JARID2: variants seen among roughly 807,000 people sequenced by gnomAD.
The protein encoded by JARID2 is jumonji and AT-rich interaction domain containing 2.
In JARID2, 21 loss-of-function variants were observed where a neutral mutation model predicts 125.6. That is an observed-to-expected ratio of 0.17 (90% CI 0.12 to 0.24). The LOEUF (loss-of-function observed/expected upper bound fraction) is 0.24. JARID2 is among the 10% of genes least tolerant of loss of function. The pLI, the probability that JARID2 is intolerant of heterozygous loss-of-function variation, is 1.00. For missense variants in JARID2, 1,303 were observed against 1,639.6 expected (o/e 0.79, Z 3.55); for synonymous variants, 736 against 661.6 (o/e 1.11, Z -1.73).
At chr6:15,487,609 A>T in intron 6 of JARID2, 67 bp downstream of exon 6, 1 of 1,347,470 alleles carries the variant, frequency 7.4e-7, no homozygotes, top group Non-Finnish European at 1.0e-6. Flanking sequence ...TCACCAAGCT[A>T]AAAATTCATC....
At chr6:15,394,103 TA>T (rs1412297730) in intron 2 of JARID2, among the ~76,000 whole-genome samples, 1 of 152,156 alleles carries the variant, frequency 6.6e-6, no homozygotes, top group Non-Finnish European at 1.5e-5. Flanking sequence ...TAATTTATTG[TA>T]AAGTATATGA....
chr6:15,365,417 T>C (rs1404893304), intron 1 of JARID2, among the ~76,000 whole-genome samples: 1 of 152,214 alleles, frequency 6.6e-6, no homozygotes, highest in Non-Finnish European at 1.5e-5. Context: ...CCTTTAACCA[T>C]GAGCGTGCGG....
chr6:15,452,655 G>A (rs1767971150), intron 4 of JARID2, among the ~76,000 whole-genome samples: 1 of 152,112 alleles, frequency 6.6e-6, no homozygotes, highest in Non-Finnish European at 1.5e-5. Context: ...AAACAGTACT[G>A]GTACTTTCAG....
At chr6:15,515,346 C>T (rs986225421) in intron 16 of JARID2, among the ~76,000 whole-genome samples, 1 of 152,148 alleles carries the variant, frequency 6.6e-6, no homozygotes, top group Non-Finnish European at 1.5e-5. Flanking sequence ...TATTCATTTC[C>T]ATGCACTGAG....
Position 15,497,506 on chromosome 6 carries a change from C to T in JARID2, c.1945+336C>T, listed in dbSNP as rs572894508. 8.1e-4 allele frequency among the ~76,000 whole-genome samples: 123 copies of T among 152,104 alleles called. 1 individual carries two copies. Among genetic ancestry groups the T allele is most frequent in the Admixed American group, 1.2e-3 (19 of 15,282 alleles). The stretch of plus-strand genomic sequence containing the variant: ...CTACTAAAAATACAAAAAAATTAGC[C>T]GGGCGTGGTGGCGGGGGCCTGTAGT... On this transcript the variant is annotated intron_variant, in intron 7 of 17. Transcript: ENST00000341776.
At chr6:15,285,865 A>G (rs1160916956) in intron 1 of JARID2, among the ~76,000 whole-genome samples, 1 of 147,458 alleles carries the variant, frequency 6.8e-6, no homozygotes, top group Admixed American at 7.1e-5. Flanking sequence ...TGCTGGCATA[A>G]AACATGCATT....
At chr6:15,324,827 G>A (rs913311240) in intron 1 of JARID2, among the ~76,000 whole-genome samples, 18 of 151,176 alleles carry the variant, frequency 1.2e-4, no homozygotes, top group African/African-American at 3.9e-4. Flanking sequence ...AGCAAAGTAC[G>A]GGTCAGAGGT....
rs567534630 is a variant in JARID2 at position 15,454,627 on chromosome 6, G to A, written c.493+2452G>A. Among the ~76,000 whole-genome samples, 8 of 150,700 alleles carry A rather than the reference G, an allele frequency of 5.3e-5. No homozygotes were observed. In the South Asian group the frequency reaches 1.7e-3, roughly 32 times the overall value. ...CCAATAGCTAGACCTACAGGCGCAG[G>A]CAACCACACCCAGCAATTTTTTTTT... is the stretch of plus-strand genomic sequence containing the variant. On this transcript the variant is annotated intron_variant, in intron 4 of 17. Coordinates refer to ENST00000341776, the MANE Select transcript of JARID2 (RefSeq NM_004973.4).
intron 3 of JARID2, among the ~76,000 whole-genome samples, chr6:15,428,489 C>T (rs1406629118): frequency 1.3e-5 from 2 of 152,070 alleles, no homozygotes; most frequent in Non-Finnish European, 2.9e-5. Context: ...TCTCATTGTT[C>T]AATTCCCACT....
chr6:15,501,830 C>T (rs930931357), intron 8 of JARID2, among the ~76,000 whole-genome samples: 4 of 152,144 alleles, frequency 2.6e-5, no homozygotes, highest in African/African-American at 7.2e-5. Context: ...GTGCACACAT[C>T]TCCATATGCC....
intron 1 of JARID2, among the ~76,000 whole-genome samples, chr6:15,326,546 G>A (rs909525680): frequency 9.2e-5 from 14 of 152,280 alleles, no homozygotes; most frequent in Non-Finnish European, 1.8e-4. Flanking sequence ...CTGTAACCCA[G>A]GCTGGAGTGC....
At chr6:15,392,593 C>T (rs1428729230) in intron 2 of JARID2, among the ~76,000 whole-genome samples, 1 of 151,416 alleles carries the variant, frequency 6.6e-6, no homozygotes, top group Non-Finnish European at 1.5e-5. Flanking sequence ...ATGTTGGAAA[C>T]GTTCTGTGTC....
chr6:15,281,924 CTG>C (rs3138771), intron 1 of JARID2, among the ~76,000 whole-genome samples: 18,904 of 145,964 alleles, frequency 0.13, 1,101 homozygotes, highest in East Asian at 0.2. Context: ...GGTATGTGCT[CTG>C]TGTGTGTGTG....
rs552805782 is a variant in JARID2, at chr6:15,386,200, A to C, written c.181+11948A>C. Among the ~76,000 whole-genome samples, 6 of 152,226 alleles carry C rather than the reference A, an allele frequency of 3.9e-5. No individual in the cohort carries two copies. In the South Asian group the frequency reaches 1.0e-3, roughly 26 times the overall value. ...AGTGGTCAAATCAGGGTTTGAGCCCAGGTCTTCTGACTCCAGATAGCTATC... is the reference window on the plus strand; with the variant it reads ...AGTGGTCAAATCAGGGTTTGAGCCCCGGTCTTCTGACTCCAGATAGCTATC... On this transcript the variant is annotated intron_variant, in intron 2 of 17. Transcript: ENST00000341776.
At chr6:15,311,006 A>G (rs1282755978) in intron 1 of JARID2, among the ~76,000 whole-genome samples, 1 of 152,148 alleles carries the variant, frequency 6.6e-6, no homozygotes, top group African/African-American at 2.4e-5. Context: ...TGAGGACTTC[A>G]CATCCTTTGG....
intron 3 of JARID2, among the ~76,000 whole-genome samples, chr6:15,444,768 A>C (rs1581573937): frequency 7.9e-5 from 8 of 101,512 alleles, no homozygotes; most frequent in South Asian, 3.4e-4. Flanking sequence ...GAATGAACAG[A>C]CCCTCCCTCC....
intron 3 of JARID2, among the ~76,000 whole-genome samples, chr6:15,423,014 A>G (rs951227917): frequency 2.1e-5 from 2 of 93,924 alleles, no homozygotes; most frequent in African/African-American, 8.3e-5. Context: ...TTAAACATTT[A>G]TTTGAGACAG....
At chr6:15,466,089 C>T (rs1182866475) in intron 4 of JARID2, among the ~76,000 whole-genome samples, 1 of 152,182 alleles carries the variant, frequency 6.6e-6, no homozygotes, top group African/African-American at 2.4e-5. Flanking sequence ...CAGGCGTGAG[C>T]CACCACGCCC....
intron 1 of JARID2, among the ~76,000 whole-genome samples, chr6:15,333,861 T>G (rs6919296): frequency 1.3e-5 from 2 of 152,104 alleles, no homozygotes; most frequent in Non-Finnish European, 2.9e-5. Flanking sequence ...TACAAGTGAC[T>G]AGGGAGTCTT....
Sources: gnomAD v4.1 joint callset for allele counts (sites outside exome capture counted in the v4.1 genomes callset) on GRCh38, gnomAD v4.1.1 for gene constraint, MANE v1.5 for transcripts, NCBI Gene and HGNC (gene_info 2026-07-23, HGNC 2026-07-21) for gene names.